Variants in PPP3CC observed in about 807,000 individuals in gnomAD.
The protein encoded by PPP3CC is serine/threonine-protein phosphatase 2B catalytic subunit gamma isoform.
PPP3CC carries 35 observed loss-of-function variants against 60.3 expected under a neutral mutation model. That is an observed-to-expected ratio of 0.58 (90% confidence interval 0.44 to 0.77). PPP3CC has a LOEUF of 0.77. PPP3CC is among the 30% of genes least tolerant of loss of function. The pLI, the probability that PPP3CC is intolerant of heterozygous loss-of-function variation, is 0.00. For synonymous variants in PPP3CC, 206 were observed against 224.3 expected (o/e 0.92, Z 0.73); for missense variants, 570 against 628.9 (o/e 0.91, Z 1.00).
At chr8:22,504,803 C>T (rs1838864958) in intron 4 of PPP3CC, among the ~76,000 whole-genome samples, 1 of 149,132 alleles carries the variant, frequency 6.7e-6, no homozygotes, top group Admixed American at 6.7e-5. Flanking sequence ...CAGCCTCAAC[C>T]TCCCAGGCTC....
At position 22,441,365 on chromosome 8, in the gene PPP3CC, G is replaced by C; in HGVS notation, c.-45G>C. 1.3e-6 allele frequency: 2 copies of C among 1,511,084 alleles called. No individual in the cohort carries two copies. Among genetic ancestry groups the C allele is most frequent in the South Asian group, 1.2e-5 (1 of 80,756 alleles). 93.6% of individuals were successfully genotyped at this position (1,511,084 alleles called of 1,614,324 possible). ...AGAAGGCGGCGGCCGCGGCGTAGGC[G>C]CACGTCCGGCGGGCTCCTGGAGCCT... On this transcript the variant is annotated 5_prime_UTR_variant, in exon 1 of 14. Transcript: ENST00000240139.
At chr8:22,473,733 G>T (rs1443484297) in intron 1 of PPP3CC, among the ~76,000 whole-genome samples, 3 of 152,016 alleles carry the variant, frequency 2.0e-5, no homozygotes. Context: ...CAAGGTGCTG[G>T]GATTACAAGC....
chr8:22,507,890 A>G (rs1173763510), intron 4 of PPP3CC, among the ~76,000 whole-genome samples: 1 of 152,146 alleles, frequency 6.6e-6, no homozygotes, highest in Non-Finnish European at 1.5e-5. Context: ...CTTCACCACC[A>G]TGCCATGCCA....
At chr8:22,468,840 C>T (rs1454438478) in intron 1 of PPP3CC, among the ~76,000 whole-genome samples, 2 of 152,148 alleles carry the variant, frequency 1.3e-5, no homozygotes, top group Non-Finnish European at 2.9e-5. Flanking sequence ...TATGCTCGCA[C>T]AGAATTTTGT....
intron 1 of PPP3CC, among the ~76,000 whole-genome samples, chr8:22,472,401 C>CACACACACACACACAG (rs1326016665): frequency 2.0e-5 from 3 of 150,410 alleles, no homozygotes. Flanking sequence ...CACACACACA[C>CACACACACACACACAG]ACACACTGAG....
intron 12 of PPP3CC, among the ~76,000 whole-genome samples, chr8:22,538,551 C>A (rs1839893916): frequency 6.6e-6 from 1 of 152,168 alleles, no homozygotes; most frequent in Non-Finnish European, 1.5e-5. Context: ...TGTTACTGCT[C>A]ATTATTCTTC....
At position 22,441,336 on chromosome 8, in the gene PPP3CC, G is replaced by A. The variant is rs1332637061; in HGVS notation, c.-74G>A. 1.2e-5 allele frequency: 18 copies of A among 1,459,282 alleles called. No homozygotes were observed. The highest frequency in any genetic ancestry group is 1.6e-5 in the Non-Finnish European group (18 of 1,095,208). The allele number at this position is 1,459,282 out of a possible 1,614,324, so 90.4% of individuals were successfully genotyped here. ...CGGCTCCGGGCAGCTAAGGCTGCCC[G>A]AGGAGAAGGCGGCGGCCGCGGCGTA... On this transcript the variant is annotated 5_prime_UTR_variant, in exon 1 of 14. Coordinates refer to ENST00000240139, the MANE Select transcript of PPP3CC (RefSeq NM_005605.5).
chr8:22,477,919 C>T (rs1357201243), intron 3 of PPP3CC, among the ~76,000 whole-genome samples: 3 of 152,056 alleles, frequency 2.0e-5, no homozygotes, highest in African/African-American at 2.4e-5. Context: ...GGCACGATCT[C>T]GGCCCACCGC....
intron 12 of PPP3CC, among the ~76,000 whole-genome samples, chr8:22,539,081 C>T (rs935789542): frequency 2.0e-5 from 3 of 152,026 alleles, no homozygotes; most frequent in Non-Finnish European, 4.4e-5. Context: ...TTGAATAGGA[C>T]CCAGCAGTAG....
intron 10 of PPP3CC, chr8:22,531,164 A>G: frequency 1.3e-6 from 1 of 765,550 alleles, no homozygotes; most frequent in Non-Finnish European, 2.1e-6. Flanking sequence ...ATCTCTTATG[A>G]GCTGGTAAAG....
At chr8:22,473,369 C>T (rs1837788533) in intron 1 of PPP3CC, among the ~76,000 whole-genome samples, 1 of 151,960 alleles carries the variant, frequency 6.6e-6, no homozygotes, top group Non-Finnish European at 1.5e-5. Context: ...CTTGCTAATT[C>T]TCCATGATAT....
Position 22,475,612 on chromosome 8 carries a change from T to G in PPP3CC, c.360T>G (p.Tyr120Ter). The change falls in exon 3 of 14, where the codon TAT becomes TAG. Residue 120 changes from tyrosine to a stop codon, truncating the protein, a stop_gained. Coordinates refer to ENST00000240139, the MANE Select transcript of PPP3CC (RefSeq NM_005605.5). LOFTEE classifies it high-confidence loss of function. ...TGGGTGACTATGTGGACAGAGGCTA[T>G]TTCAGTATAGAGGTAAAAATTAAAC... is the stretch of plus-strand genomic sequence containing the variant. ...LFLGDYVDRG[Y>*]FSIECVLYLW... The G allele has an allele frequency of 6.2e-7, 1 of 1,613,046 alleles. No homozygotes were observed. The highest frequency in any genetic ancestry group is 8.5e-7 in the Non-Finnish European group (1 of 1,179,376).
At chr8:22,494,421 G>C (rs1012572511) in intron 3 of PPP3CC, among the ~76,000 whole-genome samples, 4 of 152,132 alleles carry the variant, frequency 2.6e-5, no homozygotes, top group Admixed American at 2.6e-4. Context: ...CTGGGTGTGG[G>C]AATTCTGGTA....
intron 1 of PPP3CC, among the ~76,000 whole-genome samples, chr8:22,458,620 AAAAT>A (rs900403335): frequency 2.7e-4 from 41 of 151,664 alleles, no homozygotes; most frequent in Admixed American, 1.3e-3. Flanking sequence ...AATAAAAATA[AAAAT>A]AAATAAATAA....
At chr8:22,496,172 C>T (rs1366389290) in intron 3 of PPP3CC, among the ~76,000 whole-genome samples, 1 of 151,712 alleles carries the variant, frequency 6.6e-6, no homozygotes, top group Non-Finnish European at 1.5e-5. Context: ...TGAGATGCCA[C>T]CTTTATTATT....
chr8:22,523,474 G>A (rs1839462662), intron 8 of PPP3CC, among the ~76,000 whole-genome samples: 1 of 152,086 alleles, frequency 6.6e-6, no homozygotes, highest in South Asian at 2.1e-4. Context: ...TGTTTATAAA[G>A]TATGACTATA....
chr8:22,528,991 AT>A, intron 10 of PPP3CC, among the ~76,000 whole-genome samples: 1 of 152,174 alleles, frequency 6.6e-6, no homozygotes, highest in East Asian at 1.9e-4. Context: ...AGTTTTGAAC[AT>A]TTGTTTAGAT....
intron 6 of PPP3CC, among the ~76,000 whole-genome samples, chr8:22,517,271 A>G (rs1486027944): frequency 6.6e-6 from 1 of 152,114 alleles, no homozygotes; most frequent in African/African-American, 2.4e-5. Flanking sequence ...TTGGCTTTCT[A>G]GTGTTTTATG....
At chr8:22,529,220 A>G (rs971542136) in intron 10 of PPP3CC, among the ~76,000 whole-genome samples, 1 of 152,242 alleles carries the variant, frequency 6.6e-6, no homozygotes, top group African/African-American at 2.4e-5. Flanking sequence ...GAAATTGAAT[A>G]TCTGTGTCAA....
Sources: gnomAD v4.1 joint callset for allele counts (sites outside exome capture counted in the v4.1 genomes callset) on GRCh38, gnomAD v4.1.1 for gene constraint, MANE v1.5 for transcripts, NCBI Gene and HGNC (gene_info 2026-07-23, HGNC 2026-07-21) for gene names.